The following FOXN3 variants were observed in gnomAD, a reference collection of about 807,000 sequenced individuals.
The protein encoded by FOXN3 is forkhead box N3.
Under a neutral mutation model 38.4 loss-of-function variants are expected in FOXN3, and 7 were observed. That is an observed-to-expected ratio of 0.18 (90% CI 0.10 to 0.34). FOXN3 has a LOEUF of 0.34. FOXN3 is among the 10% of genes least tolerant of loss of function. The pLI, the probability that FOXN3 is intolerant of heterozygous loss-of-function variation, is 1.00. For missense variants in FOXN3, 456 were observed against 613.4 expected (o/e 0.74, Z 2.71); for synonymous variants, 230 against 242.2 (o/e 0.95, Z 0.47).
chr14:89,199,035 A>G (rs1037844614), intron 4 of FOXN3, among the ~76,000 whole-genome samples: 2 of 152,230 alleles, frequency 1.3e-5, no homozygotes, highest in Non-Finnish European at 2.9e-5. Flanking sequence ...TTCTGTTGCA[A>G]TCAATCAAGA....
At chr14:89,296,739 G>A (rs538628706) in intron 3 of FOXN3, among the ~76,000 whole-genome samples, 1 of 152,284 alleles carries the variant, frequency 6.6e-6, no homozygotes, top group South Asian at 2.1e-4. Context: ...GGGCTCAAGC[G>A]ATTCTCCTGC....
At chr14:89,608,146 T>A (rs1896311768) in intron 1 of FOXN3, among the ~76,000 whole-genome samples, 1 of 103,706 alleles carries the variant, frequency 9.6e-6, no homozygotes, top group Admixed American at 9.8e-5. Context: ...GCCTGGCTAA[T>A]TTTTTATATT....
At chr14:89,519,920 AC>A (rs1894284397) in intron 1 of FOXN3, among the ~76,000 whole-genome samples, 2 of 152,228 alleles carry the variant, frequency 1.3e-5, no homozygotes, top group Non-Finnish European at 2.9e-5. Context: ...AGTGTGGAAT[AC>A]AAAAGCAGCA....
At chr14:89,425,172 G>A (rs138894608) in intron 1 of FOXN3, among the ~76,000 whole-genome samples, 193 of 145,030 alleles carry the variant, frequency 1.3e-3, no homozygotes, top group African/African-American at 4.7e-3. Context: ...CCTGGTTCAA[G>A]CAATTCTCCC....
intron 1 of FOXN3, among the ~76,000 whole-genome samples, chr14:89,544,230 A>G (rs926149306): frequency 1.3e-5 from 2 of 151,450 alleles, no homozygotes; most frequent in African/African-American, 4.9e-5. Context: ...TTTAGTAGAG[A>G]CGGGGTTTCA....
At chr14:89,557,315 G>T (rs923754749) in intron 1 of FOXN3, among the ~76,000 whole-genome samples, 8 of 152,116 alleles carry the variant, frequency 5.3e-5, no homozygotes, top group African/African-American at 1.9e-4. Context: ...ACTCTTATTG[G>T]GGGGTTAGTA....
chr14:89,446,087 C>CAAAAAAAAAAA lies in FOXN3; in HGVS notation c.-14-33608_-14-33598dup, dbSNP rs576883864. Among the ~76,000 whole-genome samples, 208 of 40,100 alleles carry CAAAAAAAAAAA rather than the reference C, an allele frequency of 5.2e-3. 24 individuals carry two copies. The highest frequency in any genetic ancestry group is 0.033 in the Middle Eastern group (1 of 30). 26.3% of individuals were successfully genotyped at this position (40,100 alleles called of 152,430 possible). ...TGGGTAACAGAGCGAGACCCTGCCT[C>CAAAAAAAAAAA]AAAAAAAAAAAAAAAAAAAAAAAAT... is the stretch of plus-strand genomic sequence containing the variant. On this transcript the variant is annotated intron_variant, in intron 1 of 6. Transcript: ENST00000345097.
At chr14:89,210,173 A>G (rs1022193981) in intron 4 of FOXN3, among the ~76,000 whole-genome samples, 26 of 152,310 alleles carry the variant, frequency 1.7e-4, no homozygotes, top group African/African-American at 5.8e-4. Context: ...GGGCCTGGCA[A>G]GAGGTACCTG....
chr14:89,595,880 TATTA>T (rs920405775), intron 1 of FOXN3, among the ~76,000 whole-genome samples: 12 of 152,216 alleles, frequency 7.9e-5, no homozygotes, highest in African/African-American at 2.9e-4. Flanking sequence ...ACTCCCTTTT[TATTA>T]GTTTGCAGAA....
chr14:89,195,771 CA>C (rs1348107407), intron 4 of FOXN3, among the ~76,000 whole-genome samples: 13 of 152,254 alleles, frequency 8.5e-5, no homozygotes, highest in South Asian at 4.1e-4. Context: ...TGAAGTGAGA[CA>C]GGGGGGTACG....
At chr14:89,602,557 C>T (rs1367873558) in intron 1 of FOXN3, among the ~76,000 whole-genome samples, 4 of 151,700 alleles carry the variant, frequency 2.6e-5, no homozygotes, top group African/African-American at 4.8e-5. Context: ...AGTGCAGTGG[C>T]GCGATCTCGG....
intron 1 of FOXN3, among the ~76,000 whole-genome samples, chr14:89,521,017 T>C (rs1055374689): frequency 1.3e-5 from 2 of 152,090 alleles, no homozygotes; most frequent in Admixed American, 1.3e-4. Flanking sequence ...CTGAATGGGT[T>C]TAAGAGAATG....
At chr14:89,424,173 A>ATGTTCCCTT (rs1312598325) in intron 1 of FOXN3, among the ~76,000 whole-genome samples, 3 of 152,238 alleles carry the variant, frequency 2.0e-5, no homozygotes, top group Non-Finnish European at 2.9e-5. Context: ...CAGTGGGGCC[A>ATGTTCCCTT]TGTTCCCTTT....
intron 4 of FOXN3, among the ~76,000 whole-genome samples, chr14:89,243,300 T>C (rs773274189): frequency 6.6e-6 from 1 of 152,184 alleles, no homozygotes; most frequent in Non-Finnish European, 1.5e-5. Flanking sequence ...TAAGCAAGCA[T>C]TTACAACAGC....
chr14:89,449,718 A>G (rs1892576697), intron 1 of FOXN3, among the ~76,000 whole-genome samples: 1 of 152,098 alleles, frequency 6.6e-6, no homozygotes, highest in African/African-American at 2.4e-5. Flanking sequence ...AGCTTGCCAG[A>G]TCCACAACCC....
intron 2 of FOXN3, among the ~76,000 whole-genome samples, chr14:89,389,346 A>T (rs1179989582): frequency 6.6e-6 from 1 of 152,222 alleles, no homozygotes; most frequent in Non-Finnish European, 1.5e-5. Flanking sequence ...AAATATACCT[A>T]ATGTCTCAGA....
chr14:89,217,191 G>A (rs905053321), intron 4 of FOXN3, among the ~76,000 whole-genome samples: 1 of 152,178 alleles, frequency 6.6e-6, no homozygotes, highest in African/African-American at 2.4e-5. Flanking sequence ...CTGGAGTGCA[G>A]TGCTGCGATC....
intron 3 of FOXN3, among the ~76,000 whole-genome samples, chr14:89,322,606 G>A (rs953782050): frequency 2.6e-5 from 4 of 152,174 alleles, no homozygotes; most frequent in Admixed American, 6.5e-5. Context: ...ATTCAGTAAG[G>A]CTGAGAAGGG....
chr14:89,274,410 G>C (rs1357779348), intron 4 of FOXN3, among the ~76,000 whole-genome samples: 1 of 152,230 alleles, frequency 6.6e-6, no homozygotes, highest in African/African-American at 2.4e-5. Context: ...GGCTAAAGCT[G>C]ACTTCGTATG....
Sources: gnomAD v4.1 joint callset for allele counts (sites outside exome capture counted in the v4.1 genomes callset) on GRCh38, gnomAD v4.1.1 for gene constraint, MANE v1.5 for transcripts, NCBI Gene and HGNC (gene_info 2026-07-23, HGNC 2026-07-21) for gene names.